GHR: variants seen among roughly 807,000 people sequenced by gnomAD.
GHR encodes the protein GH receptor.
GHR carries 35 observed loss-of-function variants against 67.1 expected under a neutral mutation model. The ratio of observed to expected loss-of-function variants is 0.52; its 90% CI spans 0.40 to 0.69. GHR has a LOEUF of 0.69. Among genes scored for constraint, GHR ranks in the 30% least tolerant of loss-of-function variants. The pLI is 0.00. For missense variants in GHR, 792 were observed against 764.6 expected, an observed-to-expected ratio of 1.04 and a Z score of -0.42; for synonymous variants, 272 against 269.1, an observed-to-expected ratio of 1.01 and a Z score of -0.10.
chr5:42,587,269 T>G (rs1579999649), intron 2 of GHR, among the ~76,000 whole-genome samples: 1 of 152,122 alleles, frequency 6.6e-6, no homozygotes, highest in Non-Finnish European at 1.5e-5. Flanking sequence ...CTGCAGAAAC[T>G]GAAATACTTA....
chr5:42,488,927 A>T (rs1405694255), intron 1 of GHR, among the ~76,000 whole-genome samples: 1 of 152,222 alleles, frequency 6.6e-6, no homozygotes, highest in African/African-American at 2.4e-5. Context: ...GCCCAAGTTC[A>T]TCGAGTTACT....
At chr5:42,464,193 C>G (rs1448520900) in intron 1 of GHR, among the ~76,000 whole-genome samples, 2 of 151,984 alleles carry the variant, frequency 1.3e-5, no homozygotes, top group Non-Finnish European at 1.5e-5. Flanking sequence ...AGCTCCTCAG[C>G]TATCTGCAAG....
chr5:42,618,358 A>G (rs1753271591), intron 2 of GHR, among the ~76,000 whole-genome samples: 1 of 152,188 alleles, frequency 6.6e-6, no homozygotes, highest in Non-Finnish European at 1.5e-5. Flanking sequence ...TTTTTACTAC[A>G]TACAAAAGTG....
chr5:42,467,943 A>G lies in GHR; in HGVS notation c.-12+43988A>G, dbSNP rs1386622038. On this transcript the variant is annotated intron_variant, in intron 1 of 9. Transcript: ENST00000230882. ...AAGTGACAGTCATTCACTATGACTT[A>G]TCTGAAATCTTTCCTTTCCCTCCTT... 8.3e-6 allele frequency: 6 copies of G among 719,694 alleles called. No homozygotes were observed. In the African/African-American group the frequency reaches 8.9e-5, roughly 11 times the overall value. 44.6% of individuals were successfully genotyped at this position (719,694 alleles called of 1,614,324 possible).
intron 1 of GHR, chr5:42,550,005 C>A (rs1748934881): frequency 2.1e-6 from 1 of 480,178 alleles, no homozygotes. Flanking sequence ...GACCAGCCAG[C>A]TGGGGAAGGC....
chr5:42,698,009 G>A (rs1391647573), intron 5 of GHR, among the ~76,000 whole-genome samples: 1 of 152,124 alleles, frequency 6.6e-6, no homozygotes, highest in Non-Finnish European at 1.5e-5. Flanking sequence ...GAAAAGATGA[G>A]CCAAGGACAA....
chr5:42,693,916 A>T (rs1177711161), intron 4 of GHR, among the ~76,000 whole-genome samples: 2 of 152,194 alleles, frequency 1.3e-5, no homozygotes, highest in Non-Finnish European at 2.9e-5. Flanking sequence ...ACCTCACCCA[A>T]GTAGCAATTC....
At chr5:42,502,729 G>A (rs1379497221) in intron 1 of GHR, among the ~76,000 whole-genome samples, 1 of 150,338 alleles carries the variant, frequency 6.7e-6, no homozygotes, top group Non-Finnish European at 1.5e-5. Flanking sequence ...TTTACTAATT[G>A]GAGAAAACCA....
At chr5:42,481,103 C>T (rs1745610722) in intron 1 of GHR, among the ~76,000 whole-genome samples, 1 of 152,032 alleles carries the variant, frequency 6.6e-6, no homozygotes, top group African/African-American at 2.4e-5. Context: ...AATCTCTCAG[C>T]ATTTGCTTGT....
At chr5:42,427,185 T>C (rs1342079668) in intron 1 of GHR, among the ~76,000 whole-genome samples, 27 of 152,228 alleles carry the variant, frequency 1.8e-4, no homozygotes, top group Non-Finnish European at 8.8e-5. Context: ...CCCTTGATTG[T>C]ACATTCTCAT....
At chr5:42,548,159 G>C in intron 1 of GHR, 1 of 984,250 alleles carries the variant, frequency 1.0e-6, no homozygotes, top group Non-Finnish European at 1.2e-6. Flanking sequence ...AAGGTCAGGG[G>C]ATTTATTATA....
At chr5:42,625,732 A>C (rs186489323) in intron 2 of GHR, among the ~76,000 whole-genome samples, 75 of 152,166 alleles carry the variant, frequency 4.9e-4, no homozygotes, top group Non-Finnish European at 8.2e-4. Flanking sequence ...GGATTAATGG[A>C]AAGGACTATT....
intron 3 of GHR, among the ~76,000 whole-genome samples, chr5:42,665,986 C>A (rs1313136537): frequency 7.2e-5 from 11 of 152,050 alleles, no homozygotes; most frequent in Non-Finnish European, 1.3e-4. Context: ...AATTACCTTC[C>A]ACCAGCTCCC....
At chr5:42,697,194 AATATGTATGT>A (rs1429987345) in intron 5 of GHR, among the ~76,000 whole-genome samples, 6 of 152,168 alleles carry the variant, frequency 3.9e-5, no homozygotes, top group Non-Finnish European at 8.8e-5. Context: ...TTCCTCATAA[AATATGTATGT>A]ATGGTACTAC....
chr5:42,605,094 T>C (rs1404759867), intron 2 of GHR, among the ~76,000 whole-genome samples: 4 of 142,786 alleles, frequency 2.8e-5, no homozygotes, highest in Non-Finnish European at 6.1e-5. Flanking sequence ...GTGCCTCTTT[T>C]TTTTTTTTTT....
chr5:42,659,700 T>G (rs2112855724), intron 3 of GHR, among the ~76,000 whole-genome samples: 1 of 152,322 alleles, frequency 6.6e-6, no homozygotes, highest in Admixed American at 6.5e-5. Context: ...GGGTGATTTC[T>G]GCATTTCCAT....
At chr5:42,630,225 C>T (rs1753873011) in intron 3 of GHR, among the ~76,000 whole-genome samples, 2 of 132,364 alleles carry the variant, frequency 1.5e-5, no homozygotes, top group East Asian at 4.1e-4. Flanking sequence ...AAAGCCTAAA[C>T]TTTATGCTTC....
At chr5:42,468,498 G>A (rs1579755685) in intron 1 of GHR, 1 of 780,038 alleles carries the variant, frequency 1.3e-6, no homozygotes, top group Non-Finnish European at 2.1e-6. Context: ...TCTGCAGCAG[G>A]AGGCTGGGGG....
intron 3 of GHR, among the ~76,000 whole-genome samples, chr5:42,637,002 A>G (rs964099973): frequency 2.0e-5 from 3 of 152,246 alleles, no homozygotes. Context: ...TTATTTGCAT[A>G]TAATTCACAA....
Sources: gnomAD v4.1 joint callset for allele counts (sites outside exome capture counted in the v4.1 genomes callset) on GRCh38, gnomAD v4.1.1 for gene constraint, MANE v1.5 for transcripts, NCBI Gene and HGNC (gene_info 2026-07-23, HGNC 2026-07-21) for gene names.